HSD17B12: variants seen among roughly 807,000 people sequenced by gnomAD.
The protein encoded by HSD17B12 is very-long-chain 3-oxoacyl-CoA reductase.
HSD17B12 carries 32 observed loss-of-function variants against 39.3 expected under a neutral mutation model. The observed-to-expected ratio is 0.81, with a 90% CI of 0.61 to 1.09. HSD17B12 has a LOEUF of 1.09. HSD17B12 is among the 50% of genes least tolerant of loss of function. The pLI is 0.00. For missense variants in HSD17B12, 342 were observed against 382.9 expected, an observed-to-expected ratio of 0.89 and a Z score of 0.89; for synonymous variants, 150 against 146.7, an observed-to-expected ratio of 1.02 and a Z score of -0.16.
chr11:43,656,799 C>G, the HSD17B12 span, among the ~76,000 whole-genome samples: 1 of 152,142 alleles, frequency 6.6e-6, no homozygotes, highest in African/African-American at 2.4e-5. Context: ...TTTACATTTG[C>G]TGAGGAGTGC....
At chr11:43,729,021 ATAATG>A (rs1362550931) in intron 1 of HSD17B12, among the ~76,000 whole-genome samples, 27 of 152,294 alleles carry the variant, frequency 1.8e-4, no homozygotes, top group Admixed American at 1.3e-3. Flanking sequence ...ATTACATATT[ATAATG>A]TATTTAGTGG....
intron 1 of HSD17B12, chr11:43,718,998 A>G (rs1950151970): frequency 4.0e-6 from 4 of 1,004,994 alleles, no homozygotes; most frequent in Non-Finnish European, 4.7e-6. Context: ...AACAAGCACC[A>G]GATCAAAAAG....
chr11:43,758,672 C>T (rs981902923), intron 3 of HSD17B12, among the ~76,000 whole-genome samples: 1 of 152,104 alleles, frequency 6.6e-6, no homozygotes, highest in Non-Finnish European at 1.5e-5. Context: ...CTGAACTTGC[C>T]GTTTTTATTC....
chr11:43,756,562 G>T (rs2134954812), intron 3 of HSD17B12, among the ~76,000 whole-genome samples: 1 of 152,264 alleles, frequency 6.6e-6, no homozygotes, highest in South Asian at 2.1e-4. Flanking sequence ...GTGTTTGTGG[G>T]TGTGTCTAGA....
chr11:43,758,958 T>C (rs554796541), intron 3 of HSD17B12, among the ~76,000 whole-genome samples: 1 of 152,194 alleles, frequency 6.6e-6, no homozygotes, highest in Non-Finnish European at 1.5e-5. Context: ...CCTTTGAAGT[T>C]TGTCTTGTGA....
At chr11:43,843,951 A>G (rs4755749) in intron 9 of HSD17B12, among the ~76,000 whole-genome samples, 49,018 of 151,990 alleles carry the variant, frequency 0.32, 9,617 homozygotes, top group East Asian at 0.7. Flanking sequence ...CACCTTTTCC[A>G]TGGCATCACA....
the HSD17B12 span, among the ~76,000 whole-genome samples, chr11:43,652,663 T>C: frequency 6.6e-6 from 1 of 151,344 alleles, no homozygotes; most frequent in Non-Finnish European, 1.5e-5. Flanking sequence ...GTTTAAAGGA[T>C]ATTACAAAAA....
the HSD17B12 span, among the ~76,000 whole-genome samples, chr11:43,590,756 C>T: frequency 1.3e-5 from 2 of 150,282 alleles, no homozygotes; most frequent in African/African-American, 4.9e-5. Flanking sequence ...GTGATCTGCC[C>T]ACCTCAGCCT....
chr11:43,779,693 G>A (rs756985137), intron 3 of HSD17B12, among the ~76,000 whole-genome samples: 4 of 152,214 alleles, frequency 2.6e-5, no homozygotes, highest in Admixed American at 1.3e-4. Context: ...AATGTAAGGC[G>A]AGTTTAACTT....
At chr11:43,586,714 C>T in the HSD17B12 span, among the ~76,000 whole-genome samples, 1 of 152,166 alleles carries the variant, frequency 6.6e-6, no homozygotes, top group Non-Finnish European at 1.5e-5. Flanking sequence ...ACTGCCAAAC[C>T]CTGGATTGAA....
At chr11:43,598,478 G>A in the HSD17B12 span, among the ~76,000 whole-genome samples, 1 of 152,012 alleles carries the variant, frequency 6.6e-6, no homozygotes, top group Admixed American at 6.5e-5. Context: ...CTGTCCACGC[G>A]AGTATGTGCC....
the HSD17B12 span, among the ~76,000 whole-genome samples, chr11:43,590,471 AT>A: frequency 7.1e-6 from 1 of 141,590 alleles, no homozygotes; most frequent in Non-Finnish European, 1.5e-5. Context: ...AAGACAAGAA[AT>A]AGTTTTACCA....
chr11:43,583,867 C>G, the HSD17B12 span, among the ~76,000 whole-genome samples: 2 of 152,104 alleles, frequency 1.3e-5, no homozygotes, highest in African/African-American at 4.8e-5. Flanking sequence ...CTACTCCTTC[C>G]GGGGGTGTGA....
At chr11:43,776,140 C>T (rs1209871143) in intron 3 of HSD17B12, among the ~76,000 whole-genome samples, 1 of 152,120 alleles carries the variant, frequency 6.6e-6, no homozygotes, top group African/African-American at 2.4e-5. Context: ...ATGGCTGGGT[C>T]AAATGGTATT....
the HSD17B12 span, among the ~76,000 whole-genome samples, chr11:43,590,740 G>T: frequency 6.7e-6 from 1 of 149,476 alleles, no homozygotes; most frequent in Non-Finnish European, 1.5e-5. Context: ...TCAATCTCCT[G>T]ACCTTGTGAT....
chr11:43,854,624 C>T lies in HSD17B12; in HGVS notation c.685-91C>T, dbSNP rs1951563706. 2.8e-5 allele frequency: 38 copies of T among 1,348,500 alleles called. 1 individual carries two copies. In the South Asian group the frequency reaches 4.4e-4, roughly 16 times the overall value. 83.5% of individuals were successfully genotyped at this position (1,348,500 alleles called of 1,614,324 possible). On this transcript the variant is annotated intron_variant, in intron 9 of 10. Transcript: ENST00000278353. ...TCTGTAAAGATACAGATGTTTCTAC[C>T]ACTAAGAGCAGTCAAGCACCACTGT...
chr11:43,774,355 A>G (rs905036741), intron 3 of HSD17B12, among the ~76,000 whole-genome samples: 1 of 152,114 alleles, frequency 6.6e-6, no homozygotes, highest in African/African-American at 2.4e-5. Context: ...CTGGGATTAC[A>G]GGCACATGCC....
the HSD17B12 span, among the ~76,000 whole-genome samples, chr11:43,624,079 AAAG>A: frequency 3.9e-5 from 6 of 151,978 alleles, no homozygotes; most frequent in African/African-American, 1.4e-4. Context: ...TTCTACCTAA[AAAG>A]AAGATTTGAG....
intron 3 of HSD17B12, among the ~76,000 whole-genome samples, chr11:43,756,780 A>G (rs1242965430): frequency 1.3e-5 from 2 of 152,244 alleles, no homozygotes. Context: ...TCAGTGACTC[A>G]GAAGATATGC....
Sources: gnomAD v4.1 joint callset for allele counts (sites outside exome capture counted in the v4.1 genomes callset) on GRCh38, gnomAD v4.1.1 for gene constraint, MANE v1.5 for transcripts, NCBI Gene and HGNC (gene_info 2026-07-23, HGNC 2026-07-21) for gene names.